Variants in POLR1D observed in about 807,000 individuals in gnomAD.
The protein encoded by POLR1D is RNA polymerase I and III subunit D.
In POLR1D, 8 loss-of-function variants were observed where a neutral mutation model predicts 10.8. The observed-to-expected ratio is 0.74, with a 90% CI of 0.43 to 1.33. The LOEUF is 1.33. Ranked by LOEUF, POLR1D falls within the 40% of genes most tolerant of loss-of-function variation. The probability of loss-of-function intolerance (pLI) is 0.01; values close to 1 mark genes in which losing one functional copy is unlikely to be tolerated. For missense variants in POLR1D, 152 were observed against 161.7 expected (o/e 0.94, Z 0.32); for synonymous variants, 54 against 57.2 (o/e 0.94, Z 0.25).
downstream of POLR1D, among the ~76,000 whole-genome samples, chr13:27,624,586 A>G (rs1488197025): frequency 6.6e-6 from 1 of 152,072 alleles, no homozygotes; most frequent in Non-Finnish European, 1.5e-5. Context: ...CTCATAAAGC[A>G]TGTGTTATAA....
chr13:27,640,989 T>C (rs1416025245), intron 1 of POLR1D, among the ~76,000 whole-genome samples: 4 of 152,212 alleles, frequency 2.6e-5, no homozygotes, highest in African/African-American at 7.2e-5. Context: ...ACAATGTAAA[T>C]TCTAAGTAAA....
exon 2 of POLR1D, chr13:27,648,426 G>A: frequency 6.2e-7 from 1 of 1,610,860 alleles, no homozygotes; most frequent in Non-Finnish European, 8.5e-7. Flanking sequence ...GGGAAAACTA[G>A]AGCTGAAACA....
intron 1 of POLR1D, among the ~76,000 whole-genome samples, chr13:27,628,797 T>C (rs1956043947): frequency 6.6e-6 from 1 of 152,146 alleles, no homozygotes; most frequent in Non-Finnish European, 1.5e-5. Flanking sequence ...GTATGTATAT[T>C]GGAGGGGCTT....
At chr13:27,645,444 C>G (rs1956210603) in intron 1 of POLR1D, among the ~76,000 whole-genome samples, 1 of 152,146 alleles carries the variant, frequency 6.6e-6, no homozygotes, top group Non-Finnish European at 1.5e-5. Flanking sequence ...TGATCGTTAG[C>G]AGTGTTACTT....
At chr13:27,624,670 T>G (rs760077907), downstream of POLR1D, among the ~76,000 whole-genome samples, 9 of 152,046 alleles carry the variant, frequency 5.9e-5, no homozygotes, top group Non-Finnish European at 1.3e-4. Context: ...GAGGATCACT[T>G]GAGCCCAGGA....
At chr13:27,639,899 G>A (rs1956159361) in intron 1 of POLR1D, among the ~76,000 whole-genome samples, 2 of 152,104 alleles carry the variant, frequency 1.3e-5, no homozygotes, top group Admixed American at 6.5e-5. Context: ...AGCTTCTTGA[G>A]GACTAGGATC....
At position 27,623,264 on chromosome 13, in the gene POLR1D, A is replaced by G. The variant is rs747909163; in HGVS notation, c.*14A>G. On this transcript the variant is annotated 3_prime_UTR_variant, in exon 2 of 2. Transcript: ENST00000302979. ...TCCACATTCTAGTCCTTTATGCAGTATACAAGGAGAACTGTCCTGTAGGAT... is the reference window on the plus strand; with the variant it reads ...TCCACATTCTAGTCCTTTATGCAGTGTACAAGGAGAACTGTCCTGTAGGAT... 1.2e-6 allele frequency: 2 copies of G among 1,613,132 alleles called. No homozygotes were observed. The highest frequency in any genetic ancestry group is 2.2e-5 in the East Asian group (1 of 44,892).
At chr13:27,624,388 AAGT>A (rs920765312), downstream of POLR1D, among the ~76,000 whole-genome samples, 3 of 152,172 alleles carry the variant, frequency 2.0e-5, no homozygotes, top group Non-Finnish European at 1.5e-5. Context: ...GAATTCATGT[AAGT>A]AGTTATGGCA....
chr13:27,631,111 T>C (rs1956068730), intron 1 of POLR1D, among the ~76,000 whole-genome samples: 1 of 152,208 alleles, frequency 6.6e-6, no homozygotes, highest in South Asian at 2.1e-4. Flanking sequence ...ATCCCAAAAC[T>C]TAGTGGCTGA....
downstream of POLR1D, among the ~76,000 whole-genome samples, chr13:27,627,628 T>C (rs975594449): frequency 6.6e-6 from 1 of 152,130 alleles, no homozygotes; most frequent in Non-Finnish European, 1.5e-5. Context: ...CAAATAAGAA[T>C]TGGCGGCTTA....
chr13:27,647,299 A>C (rs1219896975), intron 1 of POLR1D, among the ~76,000 whole-genome samples: 1 of 152,206 alleles, frequency 6.6e-6, no homozygotes, highest in African/African-American at 2.4e-5. Context: ...TTGTAGAAAA[A>C]ATAGAAAATG....
At chr13:27,648,317 G>A (rs1236532079) in intron 1 of POLR1D, 2 of 1,086,520 alleles carry the variant, frequency 1.8e-6, no homozygotes, top group Non-Finnish European at 2.8e-6. Flanking sequence ...GACCTGGAAT[G>A]AATTGATTTT....
intron 2 of POLR1D, among the ~76,000 whole-genome samples, chr13:27,653,791 G>T (rs987672738): frequency 2.6e-5 from 4 of 152,144 alleles, no homozygotes; most frequent in African/African-American, 9.7e-5. Flanking sequence ...ATTGAGTACA[G>T]TAATTTTGGA....
chr13:27,665,926 G>T (rs1382684571), exon 3 of POLR1D: 1 of 1,614,222 alleles, frequency 6.2e-7, no homozygotes, highest in Admixed American at 1.7e-5. Flanking sequence ...GCCAGGACAA[G>T]TACGAAAAGC....
Position 27,635,006 on chromosome 13 carries a change from T to C in POLR1D, c.26+12997T>C, listed in dbSNP as rs189938141. ...CTTTTAATGGGCGTGATGTTGTCGA[T>C]GTTACCTGCCTTGGACTCATAAAGA... On this transcript the variant is annotated intron_variant, in intron 1 of 2. Transcript: ENST00000399697. Among the ~76,000 whole-genome samples the C allele has an allele frequency of 9.2e-5, 14 of 152,270 alleles. No individual in the cohort carries two copies. In the East Asian group the frequency reaches 2.7e-3, roughly 29 times the overall value.
intron 1 of POLR1D, among the ~76,000 whole-genome samples, chr13:27,645,569 T>A (rs685412): frequency 0.78 from 118,719 of 151,512 alleles, 47,762 homozygotes; most frequent in East Asian, 0.93. Flanking sequence ...CTCTATATCT[T>A]CATTAGTTGT....
At position 27,621,909 on chromosome 13, in the gene POLR1D, C is replaced by G; in HGVS notation, c.-75C>G. ...CGGTCGGTCCTTGCTTCCTGCTTCG[C>G]CTCCGCGCCTCGCGCTATGGGACAG... On this transcript the variant is annotated 5_prime_UTR_variant, in exon 1 of 2. Transcript: ENST00000302979. 1 of 1,488,376 alleles carries G rather than the reference C, an allele frequency of 6.7e-7. No homozygotes were observed. Among genetic ancestry groups the G allele is most frequent in the Non-Finnish European group, 9.2e-7 (1 of 1,086,550 alleles). The allele number at this position is 1,488,376 out of a possible 1,614,324, so 92.2% of individuals were successfully genotyped here.
intron 2 of POLR1D, chr13:27,648,549 AC>A: frequency 1.3e-6 from 1 of 754,310 alleles, no homozygotes. Context: ...GAAATGGGAA[AC>A]CATGGAAGCA....
At chr13:27,621,872 C>T (rs570575220), upstream of POLR1D, 9 of 1,155,676 alleles carry the variant, frequency 7.8e-6, no homozygotes, top group African/African-American at 9.2e-5. Context: ...TTCCGTCCTC[C>T]GCGCCTTCCG....
Sources: gnomAD v4.1 joint callset for allele counts (sites outside exome capture counted in the v4.1 genomes callset) on GRCh38, gnomAD v4.1.1 for gene constraint, MANE v1.5 for transcripts, NCBI Gene and HGNC (gene_info 2026-07-23, HGNC 2026-07-21) for gene names.